The following KYAT1 variants were observed in gnomAD, a reference collection of about 807,000 sequenced individuals.
KYAT1 encodes the protein kynurenine aminotransferase 1, also known as kynurenine--oxoglutarate transaminase 1.
In KYAT1, 47 loss-of-function variants were observed where a neutral mutation model predicts 52.4. That is an observed-to-expected ratio of 0.90 (90% CI 0.71 to 1.14). KYAT1 has a LOEUF of 1.14. Among genes scored for constraint, KYAT1 ranks in the 50% most tolerant of loss-of-function variants. The pLI is 0.00. For synonymous variants in KYAT1, 212 were observed against 209.6 expected (o/e 1.01, Z -0.10); for missense variants, 480 against 557.9 (o/e 0.86, Z 1.41).
At chr9:128,872,932 C>T (rs1837446099) in intron 1 of KYAT1, among the ~76,000 whole-genome samples, 1 of 150,826 alleles carries the variant, frequency 6.6e-6, no homozygotes, top group Non-Finnish European at 1.5e-5. Context: ...AAAAATTAGC[C>T]GGGCATGGTG....
intron 7 of KYAT1, 161 bp from the exon 8 acceptor site, chr9:128,836,234 T>TTTCCTTCC (rs10627118): frequency 3.2e-4 from 141 of 434,482 alleles, no homozygotes; most frequent in Non-Finnish European, 1.1e-4. Context: ...CTTCCTTTCC[T>TTTCCTTCC]TTCCTTCCTT....
rs373497046 is a variant in KYAT1, at chr9:128,835,573, C to T, written c.950G>A (p.Arg317His). ...VQFPQAMQRCRDHMIRSLQSV... is the reference protein window; with the variant it reads ...VQFPQAMQRCHDHMIRSLQSV... ...CTGTAGGCTACGTATCATGTGGTCA[C>T]GGCAGCGCTGCATGGCCTGCGGGAA... Residue 317 changes from arginine to histidine, a missense_variant, in exon 10 of 13, where the codon CGT (arginine) becomes CAT (histidine). Coordinates refer to ENST00000302586, the MANE Select transcript of KYAT1 (RefSeq NM_004059.5). The T allele has an allele frequency of 1.4e-5, 22 of 1,613,340 alleles. No individual in the cohort carries two copies. Among genetic ancestry groups the T allele is most frequent in the East Asian group, 1.3e-4 (6 of 44,898 alleles).
chr9:128,849,483 T>C (rs1290402045), intron 1 of KYAT1, among the ~76,000 whole-genome samples: 2 of 151,308 alleles, frequency 1.3e-5, no homozygotes, highest in African/African-American at 4.8e-5. Context: ...CTGAGACAAC[T>C]AAATATCCAC....
At position 128,835,329 on chromosome 9, in the gene KYAT1, C is replaced by A; in HGVS notation, c.1116G>T (p.Lys372Asn). Residue 372 changes from lysine (K) to asparagine (N), a missense_variant, in exon 11 of 13, where the codon AAG (lysine) becomes AAT (asparagine). By Grantham distance (94) the Lys-to-Asn change is moderately conservative. Transcript: ENST00000302586. The part of the protein sequence containing the change: ...YDRRFVKWMI[K>N]NKGLVAIPVS... ...TGGCAGAGGCCCAGCCCACCTTGTTCTTGATCATCCACTTGACGAAGCGTC... is the reference window on the plus strand; with the variant it reads ...TGGCAGAGGCCCAGCCCACCTTGTTATTGATCATCCACTTGACGAAGCGTC... 6.2e-7 allele frequency: 1 copy of A among 1,613,736 alleles called. No individual in the cohort carries two copies. The highest frequency in any genetic ancestry group is 8.5e-7 in the Non-Finnish European group (1 of 1,179,824).
intron 1 of KYAT1, among the ~76,000 whole-genome samples, chr9:128,872,305 G>A (rs1469767957): frequency 2.6e-5 from 4 of 151,358 alleles, no homozygotes; most frequent in Non-Finnish European, 4.4e-5. Context: ...TTAGCCAGGC[G>A]TGGTGGCGTG....
intron 1 of KYAT1, among the ~76,000 whole-genome samples, chr9:128,858,890 C>G (rs770081616): frequency 1.3e-5 from 2 of 151,204 alleles, no homozygotes; most frequent in Non-Finnish European, 2.9e-5. Context: ...TACCTGTAAT[C>G]CCAGCTACTC....
intron 1 of KYAT1, among the ~76,000 whole-genome samples, chr9:128,868,850 C>T (rs887279995): frequency 6.6e-6 from 1 of 151,824 alleles, no homozygotes; most frequent in Admixed American, 6.6e-5. Flanking sequence ...GGACTATAGG[C>T]GCACACCACC....
At chr9:128,864,159 G>A (rs1035809916) in intron 1 of KYAT1, among the ~76,000 whole-genome samples, 6 of 151,886 alleles carry the variant, frequency 4.0e-5, no homozygotes, top group East Asian at 1.9e-4. Flanking sequence ...TCAGGAGATC[G>A]AGACTGTCCT....
At chr9:128,844,361 T>C (rs1355748987) in intron 2 of KYAT1, among the ~76,000 whole-genome samples, 1 of 152,088 alleles carries the variant, frequency 6.6e-6, no homozygotes, top group East Asian at 1.9e-4. Flanking sequence ...CTGGACAACA[T>C]GCTGAAACCC....
At chr9:128,834,345 CAGAG>C (rs1830625847) in intron 11 of KYAT1, among the ~76,000 whole-genome samples, 1 of 152,128 alleles carries the variant, frequency 6.6e-6, no homozygotes, top group South Asian at 2.1e-4. Context: ...GGGAGGCTGA[CAGAG>C]GGAGGATCAT....
At chr9:128,860,259 T>A (rs1835276837) in intron 1 of KYAT1, 1 of 152,154 alleles carries the variant, frequency 6.6e-6, no homozygotes, top group Non-Finnish European at 1.5e-5. Flanking sequence ...CCCACGCCAA[T>A]CTCCTCTGGA....
intron 1 of KYAT1, among the ~76,000 whole-genome samples, chr9:128,874,969 C>A (rs1351266899): frequency 2.0e-5 from 3 of 151,958 alleles, no homozygotes; most frequent in African/African-American, 7.2e-5. Flanking sequence ...AAGTGATCTG[C>A]CCACCTCGGC....
chr9:128,868,398 T>C (rs561620183), intron 1 of KYAT1, among the ~76,000 whole-genome samples: 14 of 152,144 alleles, frequency 9.2e-5, no homozygotes, highest in African/African-American at 3.4e-4. Context: ...TTCCTTTTTT[T>C]CTTTGGTGAG....
At chr9:128,854,472 C>T (rs1834343284) in intron 1 of KYAT1, among the ~76,000 whole-genome samples, 2 of 152,160 alleles carry the variant, frequency 1.3e-5, no homozygotes, top group Non-Finnish European at 2.9e-5. Context: ...AAATCAGCTT[C>T]CAGTTTGGGT....
intron 1 of KYAT1, among the ~76,000 whole-genome samples, chr9:128,860,768 G>C (rs1835360298): frequency 6.6e-6 from 1 of 151,964 alleles, no homozygotes; most frequent in Non-Finnish European, 1.5e-5. Flanking sequence ...TCACTATGTT[G>C]GTCAGACTGG....
chr9:128,847,968 T>C (rs1353551428), intron 1 of KYAT1, among the ~76,000 whole-genome samples: 1 of 152,138 alleles, frequency 6.6e-6, no homozygotes, highest in East Asian at 1.9e-4. Context: ...GATCACACTG[T>C]TGAATGACTA....
chr9:128,859,055 T>C (rs1835081216), intron 1 of KYAT1, among the ~76,000 whole-genome samples: 1 of 151,234 alleles, frequency 6.6e-6, no homozygotes, highest in Admixed American at 6.6e-5. Flanking sequence ...AGGAATGCTC[T>C]GGCATACTTA....
intron 11 of KYAT1, 176 bp downstream of exon 11, chr9:128,835,147 A>T: frequency 1.6e-6 from 1 of 639,254 alleles, no homozygotes; most frequent in Non-Finnish European, 2.8e-6. Flanking sequence ...CCAAAAAAAA[A>T]AAAGAAAGAA....
chr9:128,835,444 C>A, intron 10 of KYAT1, 37 bp downstream of exon 10: 1 of 1,613,594 alleles, frequency 6.2e-7, no homozygotes. Context: ...CAGCCTCCAG[C>A]CCCTGCGCCC....
Sources: allele counts gnomAD v4.1 joint callset (sites outside exome capture counted in the v4.1 genomes callset), GRCh38; gene constraint gnomAD v4.1.1; transcripts MANE v1.5; gene names NCBI Gene and HGNC (gene_info 2026-07-23, HGNC 2026-07-21).